COL23A1: variants seen among roughly 807,000 people sequenced by gnomAD.
COL23A1 encodes collagen type XXIII alpha 1 chain, also known as collagen alpha-1(XXIII) chain.
In COL23A1, 97 loss-of-function variants were observed where a neutral mutation model predicts 99.3. The observed-to-expected ratio is 0.98, with a 90% CI of 0.83 to 1.16. COL23A1 has a LOEUF of 1.16. Ranked by LOEUF, COL23A1 falls within the 50% of genes most tolerant of loss-of-function variation. The pLI, the probability that COL23A1 is intolerant of heterozygous loss-of-function variation, is 0.00. For missense variants in COL23A1, 762 were observed against 757.4 expected (o/e 1.01, Z -0.07); for synonymous variants, 320 against 308.2 (o/e 1.04, Z -0.40).
intron 2 of COL23A1, among the ~76,000 whole-genome samples, chr5:178,435,320 A>G (rs757013235): frequency 2.0e-5 from 3 of 152,084 alleles, no homozygotes; most frequent in Non-Finnish European, 4.4e-5. Flanking sequence ...TGGCTCTGAC[A>G]TTTGCAAACA....
intron 2 of COL23A1, among the ~76,000 whole-genome samples, chr5:178,529,751 C>T (rs191242630): frequency 1.5e-4 from 23 of 152,250 alleles, no homozygotes; most frequent in Admixed American, 1.4e-3. Context: ...CTACACATCT[C>T]CCGTGAGTGG....
chr5:178,408,024 T>A (rs1165363659), intron 2 of COL23A1, among the ~76,000 whole-genome samples: 2 of 152,180 alleles, frequency 1.3e-5, no homozygotes, highest in Non-Finnish European at 2.9e-5. Context: ...CGAAGATTTC[T>A]ACACCAAGAA....
intron 5 of COL23A1, among the ~76,000 whole-genome samples, chr5:178,277,062 T>A (rs1444748996): frequency 6.6e-6 from 1 of 152,144 alleles, no homozygotes; most frequent in Non-Finnish European, 1.5e-5. Flanking sequence ...TTTTATTTGA[T>A]CCGTGCAGTT....
chr5:178,429,454 G>A (rs540426056), intron 2 of COL23A1, among the ~76,000 whole-genome samples: 1 of 152,368 alleles, frequency 6.6e-6, no homozygotes, highest in South Asian at 2.1e-4. Context: ...CTCAGAAACT[G>A]AGTCAGGCAA....
intron 2 of COL23A1, among the ~76,000 whole-genome samples, chr5:178,516,964 T>C (rs1398873038): frequency 6.6e-6 from 1 of 152,186 alleles, no homozygotes; most frequent in Non-Finnish European, 1.5e-5. Flanking sequence ...GCTTTGTGTG[T>C]GGAAAGCGCC....
At chr5:178,277,276 G>A (rs1047573053) in intron 5 of COL23A1, among the ~76,000 whole-genome samples, 5 of 152,034 alleles carry the variant, frequency 3.3e-5, no homozygotes, top group Non-Finnish European at 7.4e-5. Flanking sequence ...TGAGGCAGGA[G>A]GATTGCTTAA....
chr5:178,515,419 G>A lies in COL23A1; in HGVS notation c.361+45263C>T, dbSNP rs186906924. Among the ~76,000 whole-genome samples, 173 of 152,288 alleles carry A rather than the reference G, an allele frequency of 1.1e-3. 1 individual carries two copies. The highest frequency in any genetic ancestry group is 4.0e-3 in the African/African-American group (165 of 41,558). ...ACAGAATCACTGCAGAGGTTTCCAC[G>A]GGGTGGAAGCCACTAACCAGCCAGA... On this transcript the variant is annotated intron_variant, in intron 2 of 28. Coordinates refer to ENST00000390654, the MANE Select transcript of COL23A1 (RefSeq NM_173465.4).
At chr5:178,259,029 G>A (rs2127549147) in intron 12 of COL23A1, among the ~76,000 whole-genome samples, 1 of 151,114 alleles carries the variant, frequency 6.6e-6, no homozygotes, top group Admixed American at 6.6e-5. Flanking sequence ...TGATTCTCCA[G>A]CCTCAGCCTC....
At chr5:178,527,527 G>A (rs529645357) in intron 2 of COL23A1, among the ~76,000 whole-genome samples, 9 of 152,260 alleles carry the variant, frequency 5.9e-5, no homozygotes, top group East Asian at 1.9e-4. Flanking sequence ...CGGCTGGCCC[G>A]GGTGGATGGT....
chr5:178,272,897 C>A (rs1169738597), intron 5 of COL23A1, among the ~76,000 whole-genome samples: 1 of 150,952 alleles, frequency 6.6e-6, no homozygotes, highest in African/African-American at 2.5e-5. Context: ...GGCCCCCACT[C>A]AGTCTCAGTC....
At chr5:178,304,383 T>G (rs1352571138) in intron 3 of COL23A1, among the ~76,000 whole-genome samples, 1 of 151,864 alleles carries the variant, frequency 6.6e-6, no homozygotes, top group East Asian at 1.9e-4. Context: ...TGGTGACGCG[T>G]GCCTGTAATC....
rs151002407 is a variant in COL23A1 at position 178,303,550 on chromosome 5, T to C, written c.406+3325A>G. 6.2e-3 allele frequency among the ~76,000 whole-genome samples: 942 copies of C among 152,320 alleles called. 8 individuals carry two copies. Among genetic ancestry groups the C allele is most frequent in the Non-Finnish European group, 1.0e-2 (677 of 68,022 alleles). Reference sequence around the variant, plus strand: ...AGAAGTGCTTCTTCCACTGGATTTTTAGAAAGAGTTTCTTGGGATCAGGGC... The same window carrying C: ...AGAAGTGCTTCTTCCACTGGATTTTCAGAAAGAGTTTCTTGGGATCAGGGC... On this transcript the variant is annotated intron_variant, in intron 3 of 28. Coordinates refer to ENST00000390654, the MANE Select transcript of COL23A1 (RefSeq NM_173465.4).
At chr5:178,585,385 C>T (rs559112741) in intron 1 of COL23A1, among the ~76,000 whole-genome samples, 2 of 150,642 alleles carry the variant, frequency 1.3e-5, no homozygotes, top group Non-Finnish European at 2.9e-5. Flanking sequence ...TAGGGTAACA[C>T]TCCGCGGCCC....
chr5:178,246,253 C>T lies in COL23A1; in HGVS notation c.1413+1G>A. 3.2e-6 allele frequency: 5 copies of T among 1,553,556 alleles called. No individual in the cohort carries two copies. The highest frequency in any genetic ancestry group is 4.4e-6 in the Non-Finnish European group (5 of 1,147,782). On this transcript the variant is annotated splice_donor_variant, in intron 24 of 28. Transcript: ENST00000390654. LOFTEE classifies it high-confidence loss of function. ...GAGGGAGTTCCGAATGAGGCGGTTA[C>T]CTTCTCTCCTTTGGTTCCTGGCAGC... is the stretch of plus-strand genomic sequence containing the variant.
intron 1 of COL23A1, among the ~76,000 whole-genome samples, chr5:178,568,301 G>A (rs1019697710): frequency 6.6e-6 from 1 of 152,054 alleles, no homozygotes; most frequent in Non-Finnish European, 1.5e-5. Context: ...CCGTGGAATA[G>A]GAAAAGGACA....
intron 2 of COL23A1, among the ~76,000 whole-genome samples, chr5:178,403,123 T>TAA (rs1193086511): frequency 6.4e-5 from 3 of 47,204 alleles, no homozygotes; most frequent in African/African-American, 2.4e-4. Flanking sequence ...AAAAAAAAAA[T>TAA]AAATAAATAA....
At chr5:178,523,163 C>CATATATAT (rs70997608) in intron 2 of COL23A1, among the ~76,000 whole-genome samples, 1,314 of 95,322 alleles carry the variant, frequency 0.014, 16 homozygotes, top group Non-Finnish European at 0.02. Context: ...TATATATATA[C>CATATATAT]ATATATATAT....
intron 12 of COL23A1, among the ~76,000 whole-genome samples, chr5:178,258,399 T>TG (rs1423961495): frequency 1.5e-5 from 2 of 134,376 alleles, no homozygotes; most frequent in African/African-American, 5.2e-5. Context: ...GAGAGGTTTT[T>TG]TTTTTTTTTT....
intron 2 of COL23A1, among the ~76,000 whole-genome samples, chr5:178,361,890 C>A (rs1214604820): frequency 6.6e-6 from 1 of 152,186 alleles, no homozygotes; most frequent in Admixed American, 6.5e-5. Flanking sequence ...GACATTCCCG[C>A]CTCCCCTCCA....
Sources: allele counts gnomAD v4.1 joint callset (sites outside exome capture counted in the v4.1 genomes callset), GRCh38; gene constraint gnomAD v4.1.1; transcripts MANE v1.5; gene names NCBI Gene and HGNC (gene_info 2026-07-23, HGNC 2026-07-21).